The following OSBPL10 variants were observed in gnomAD, a reference collection of about 807,000 sequenced individuals.
OSBPL10 encodes oxysterol-binding protein-related protein 10.
A neutral mutation model predicts 81.7 loss-of-function variants in OSBPL10; 49 were observed. That is an observed-to-expected ratio of 0.60 (90% confidence interval 0.48 to 0.76). OSBPL10 has a LOEUF of 0.76. OSBPL10 is among the 30% of genes least tolerant of loss of function. The pLI is 0.00. For missense variants in OSBPL10, 923 were observed against 987.8 expected (o/e 0.93, Z 0.88); for synonymous variants, 419 against 383.6 (o/e 1.09, Z -1.08).
intron 4 of OSBPL10, among the ~76,000 whole-genome samples, chr3:31,765,810 C>T (rs1698179177): frequency 5.3e-5 from 8 of 152,024 alleles, no homozygotes. Flanking sequence ...TTCATATTTT[C>T]CTTGTATACC....
At chr3:31,816,286 G>T (rs1010226713) in intron 4 of OSBPL10, among the ~76,000 whole-genome samples, 1 of 152,048 alleles carries the variant, frequency 6.6e-6, no homozygotes, top group Non-Finnish European at 1.5e-5. Flanking sequence ...TTAACCAACC[G>T]CCTAGATCAT....
At chr3:31,908,074 AT>A (rs772296107) in intron 1 of OSBPL10, among the ~76,000 whole-genome samples, 38 of 152,240 alleles carry the variant, frequency 2.5e-4, no homozygotes, top group Admixed American at 1.4e-3. Flanking sequence ...GGCGGTAAAA[AT>A]AACTGTGTTT....
At chr3:31,948,384 A>G (rs1042358758) in intron 1 of OSBPL10, among the ~76,000 whole-genome samples, 3 of 152,206 alleles carry the variant, frequency 2.0e-5, no homozygotes, top group African/African-American at 7.2e-5. Flanking sequence ...AGCCTTGAGC[A>G]TGGAGTATAA....
chr3:31,924,347 G>T (rs2125710419), intron 1 of OSBPL10, among the ~76,000 whole-genome samples: 1 of 152,302 alleles, frequency 6.6e-6, no homozygotes, highest in East Asian at 1.9e-4. Flanking sequence ...ATCTAGAGGG[G>T]AGAGAGCCCC....
intron 1 of OSBPL10, among the ~76,000 whole-genome samples, chr3:31,960,805 C>A (rs1179368466): frequency 6.6e-6 from 1 of 152,080 alleles, no homozygotes; most frequent in Admixed American, 6.5e-5. Context: ...CAAATGCTCA[C>A]CACCAGGAGA....
intron 4 of OSBPL10, among the ~76,000 whole-genome samples, chr3:31,771,074 G>C (rs1258321214): frequency 6.6e-6 from 1 of 152,148 alleles, no homozygotes; most frequent in Non-Finnish European, 1.5e-5. Context: ...TTATCATGAG[G>C]AATGAATCAG....
intron 3 of OSBPL10, among the ~76,000 whole-genome samples, chr3:31,846,142 G>C (rs1700625532): frequency 6.6e-6 from 1 of 152,052 alleles, no homozygotes; most frequent in South Asian, 2.1e-4. Context: ...CCTCCCGCGT[G>C]GCGGGGACAA....
At chr3:32,013,098 T>C (rs1296714956) in intron 2 of OSBPL10, among the ~76,000 whole-genome samples, 2 of 152,160 alleles carry the variant, frequency 1.3e-5, no homozygotes, top group African/African-American at 2.4e-5. Context: ...GCGGACCTAA[T>C]AGACATCTAC....
intron 2 of OSBPL10, among the ~76,000 whole-genome samples, chr3:32,003,295 TG>T (rs1699169599): frequency 6.6e-6 from 1 of 152,216 alleles, no homozygotes; most frequent in Non-Finnish European, 1.5e-5. Context: ...GTCATTAGCG[TG>T]GTCTTCCTAT....
chr3:31,902,258 A>ATTTTTTTTT, intron 1 of OSBPL10, among the ~76,000 whole-genome samples: 1 of 117,958 alleles, frequency 8.5e-6, no homozygotes, highest in African/African-American at 3.3e-5. Context: ...TCTTGTCAGT[A>ATTTTTTTTT]TTTTTTTTTT....
At chr3:31,997,987 C>G (rs889004609) in intron 2 of OSBPL10, among the ~76,000 whole-genome samples, 1 of 151,932 alleles carries the variant, frequency 6.6e-6, no homozygotes, top group Non-Finnish European at 1.5e-5. Flanking sequence ...GAGACTGGGT[C>G]CCACTCTGTT....
intron 6 of OSBPL10, among the ~76,000 whole-genome samples, chr3:31,725,799 C>T (rs17028139): frequency 0.098 from 14,877 of 152,166 alleles, 1,798 homozygotes; most frequent in African/African-American, 0.29. Flanking sequence ...GAGAAGGAAG[C>T]ATGCCCTTTA....
intron 1 of OSBPL10, among the ~76,000 whole-genome samples, chr3:31,895,812 GA>G (rs1175762884): frequency 6.6e-6 from 1 of 152,170 alleles, no homozygotes; most frequent in African/African-American, 2.4e-5. Context: ...GAATGGGCAA[GA>G]GCAACAAACT....
At chr3:31,908,589 G>A (rs1027125576) in intron 1 of OSBPL10, among the ~76,000 whole-genome samples, 6 of 152,106 alleles carry the variant, frequency 3.9e-5, no homozygotes, top group African/African-American at 7.2e-5. Context: ...TAATTGTGTC[G>A]GATGTAGTTC....
chr3:31,842,854 C>A (rs957708389), intron 3 of OSBPL10, among the ~76,000 whole-genome samples: 8 of 152,088 alleles, frequency 5.3e-5, no homozygotes, highest in African/African-American at 1.9e-4. Context: ...GAGTTGGGGA[C>A]AAAAACATGA....
intron 4 of OSBPL10, among the ~76,000 whole-genome samples, chr3:31,753,232 G>T (rs1039859721): frequency 4.7e-5 from 7 of 150,216 alleles, no homozygotes; most frequent in Non-Finnish European, 1.5e-5. Context: ...TTATTGACCA[G>T]GCTGGAGTAC....
At chr3:31,743,288 C>T (rs1697415571) in intron 5 of OSBPL10, among the ~76,000 whole-genome samples, 1 of 152,048 alleles carries the variant, frequency 6.6e-6, no homozygotes, top group Non-Finnish European at 1.5e-5. Flanking sequence ...ATCCACCCGG[C>T]CCGGCCTCCC....
chr3:32,021,266 AC>A (rs1699361227), intron 2 of OSBPL10, among the ~76,000 whole-genome samples: 1 of 152,348 alleles, frequency 6.6e-6, no homozygotes, highest in African/African-American at 2.4e-5. Context: ...TCTTACAAAT[AC>A]AAAAGTGTGG....
At chr3:32,006,469 C>A (rs1462778551) in intron 2 of OSBPL10, among the ~76,000 whole-genome samples, 1 of 152,160 alleles carries the variant, frequency 6.6e-6, no homozygotes, top group East Asian at 1.9e-4. Flanking sequence ...ATCCATTGAA[C>A]TTTTTTACCC....
Sources: allele counts gnomAD v4.1 joint callset (sites outside exome capture counted in the v4.1 genomes callset), GRCh38; gene constraint gnomAD v4.1.1; transcripts MANE v1.5; gene names NCBI Gene and HGNC (gene_info 2026-07-23, HGNC 2026-07-21).